PTPN9: variants seen among roughly 807,000 people sequenced by gnomAD.
PTPN9 encodes tyrosine-protein phosphatase non-receptor type 9.
In PTPN9, 26 loss-of-function variants were observed where a neutral mutation model predicts 69.8. The observed-to-expected ratio is 0.37, with a 90% CI of 0.27 to 0.52. PTPN9 has a LOEUF of 0.52. PTPN9 is among the 20% of genes least tolerant of loss of function. The probability of loss-of-function intolerance (pLI) is 0.91; values close to 1 mark genes in which losing one functional copy is unlikely to be tolerated. For missense variants in PTPN9, 549 were observed against 740.3 expected (o/e 0.74, Z 3.00); for synonymous variants, 274 against 272.5 (o/e 1.01, Z -0.05).
chr15:75,469,078 A>G, intron 12 of PTPN9, 95 bp from the exon 13 acceptor site: 2 of 1,175,084 alleles, frequency 1.7e-6, no homozygotes, highest in South Asian at 1.5e-5. Context: ...ATGACTTCAC[A>G]GGCAAAGTGC....
intron 1 of PTPN9, among the ~76,000 whole-genome samples, chr15:75,548,397 A>T (rs1032217046): frequency 1.2e-4 from 18 of 151,674 alleles, no homozygotes; most frequent in South Asian, 2.1e-4. Flanking sequence ...CTGGGATTAC[A>T]GGCGCCCACC....
intron 1 of PTPN9, among the ~76,000 whole-genome samples, chr15:75,551,008 T>C (rs1237463607): frequency 6.6e-6 from 1 of 152,200 alleles, no homozygotes; most frequent in Non-Finnish European, 1.5e-5. Context: ...CAATGTTTAC[T>C]GAGTGCTTAT....
At chr15:75,527,291 G>T (rs745445747) in intron 1 of PTPN9, 30 bp from the exon 2 acceptor site, 4 of 1,610,838 alleles carry the variant, frequency 2.5e-6, no homozygotes, top group Middle Eastern at 3.3e-4. Context: ...AGAATAATTA[G>T]TAAGAAGAGA....
At chr15:75,560,564 T>C (rs1054110240) in intron 1 of PTPN9, among the ~76,000 whole-genome samples, 1 of 152,162 alleles carries the variant, frequency 6.6e-6, no homozygotes, top group South Asian at 2.1e-4. Context: ...ATAGAAAGTA[T>C]AAAAGAGCAG....
At chr15:75,525,592 C>G (rs2074923958) in intron 2 of PTPN9, among the ~76,000 whole-genome samples, 1 of 151,638 alleles carries the variant, frequency 6.6e-6, no homozygotes, top group Non-Finnish European at 1.5e-5. Flanking sequence ...AAAATATTAT[C>G]TTGGTTTGTC....
At chr15:75,495,515 C>A (rs908856805) in intron 7 of PTPN9, among the ~76,000 whole-genome samples, 4 of 152,118 alleles carry the variant, frequency 2.6e-5, no homozygotes, top group African/African-American at 7.2e-5. Flanking sequence ...GAGTTCGAAA[C>A]CAGCCTAGCC....
chr15:75,505,025 A>T (rs2074810365), intron 7 of PTPN9, among the ~76,000 whole-genome samples: 1 of 152,058 alleles, frequency 6.6e-6, no homozygotes, highest in Non-Finnish European at 1.5e-5. Flanking sequence ...GAAAGGGGGG[A>T]AAGGTGGGGA....
rs1267304892 is a variant in PTPN9, at chr15:75,537,224, C to T, written c.64-9963G>A. On this transcript the variant is annotated intron_variant, in intron 1 of 12. Transcript: ENST00000618819. The stretch of plus-strand genomic sequence containing the variant: ...AAACTTAGCTGGGCATGGTGGTGGG[C>T]GCCTGTAATCCCAACTACTCAGGAG... Among the ~76,000 whole-genome samples, 5 of 150,722 alleles carry T rather than the reference C, an allele frequency of 3.3e-5. No individual in the cohort carries two copies. The South Asian group carries it at 6.3e-4, about 19-fold the overall frequency.
At chr15:75,472,188 G>C (rs1414269419) in intron 10 of PTPN9, among the ~76,000 whole-genome samples, 1 of 151,446 alleles carries the variant, frequency 6.6e-6, no homozygotes, top group East Asian at 2.0e-4. Flanking sequence ...GGCCAGGCGC[G>C]GTGGCTCACG....
In PTPN9 at chr15:75,576,923, AT is replaced by A. The variant is rs1261587682; in HGVS notation, c.63+1790del. Among the ~76,000 whole-genome samples the A allele has an allele frequency of 2.0e-5, 3 of 152,334 alleles. No individual in the cohort carries two copies. In the East Asian group the frequency reaches 5.8e-4, roughly 29 times the overall value. ...ATTAGGCATTACCATAATTAGAACT[AT>A]ACTGCTTTTGTTTCAATATTTTGAA... On this transcript the variant is annotated intron_variant, in intron 1 of 12. Transcript: ENST00000618819.
At chr15:75,506,981 C>T (rs77420548) in intron 6 of PTPN9, among the ~76,000 whole-genome samples, 1 of 152,134 alleles carries the variant, frequency 6.6e-6, no homozygotes, top group Non-Finnish European at 1.5e-5. Context: ...CCTATCAAGA[C>T]CATGAGCTCC....
At chr15:75,498,515 G>T (rs1204137809) in intron 7 of PTPN9, among the ~76,000 whole-genome samples, 2 of 151,978 alleles carry the variant, frequency 1.3e-5, no homozygotes, top group African/African-American at 4.8e-5. Context: ...AGGAGTTTGA[G>T]ATCAGCCTGG....
rs1303892088 is a variant in PTPN9 at position 75,544,826 on chromosome 15, C to G, written c.64-17565G>C. ...TTTGGTAACATTTTTTTTTTCTCTT[C>G]TTCCAACTGATAGCTTAGACTTTAG... On this transcript the variant is annotated intron_variant, in intron 1 of 12. Coordinates refer to ENST00000618819, the MANE Select transcript of PTPN9 (RefSeq NM_002833.4). Among the ~76,000 whole-genome samples, 4 of 151,392 alleles carry G rather than the reference C, an allele frequency of 2.6e-5. No individual in the cohort carries two copies. In the South Asian group the frequency reaches 6.2e-4, roughly 24 times the overall value.
rs920493765 is a variant in PTPN9 at position 75,527,211 on chromosome 15, A to G, written c.114T>C (p.Asn38=). Residue 38 remains asparagine (N), a synonymous_variant, in exon 2 of 13, where the codon AAT becomes AAC. Coordinates refer to ENST00000618819, the MANE Select transcript of PTPN9 (RefSeq NM_002833.4). ...CCACATTCCAAGACAGCGGGGAAAC[A>G]TTGTACTGAACTGTCCACTTGTTAA... ...EEINKWTVQY[N]VSPLSWNVAV... is the part of the protein sequence containing the mutation. 14 of 1,614,050 alleles carry G rather than the reference A, an allele frequency of 8.7e-6. No homozygotes were observed. Among genetic ancestry groups the G allele is most frequent in the Admixed American group, 3.3e-5 (2 of 59,996 alleles).
intron 6 of PTPN9, among the ~76,000 whole-genome samples, chr15:75,507,748 C>G (rs190782918): frequency 1.3e-5 from 2 of 150,986 alleles, no homozygotes; most frequent in African/African-American, 2.4e-5. Context: ...GCCTGGGAGA[C>G]AGAGCGAGAC....
intron 1 of PTPN9, among the ~76,000 whole-genome samples, chr15:75,561,850 C>T (rs1438949090): frequency 4.6e-5 from 7 of 152,148 alleles, no homozygotes; most frequent in African/African-American, 1.7e-4. Context: ...GCTGGGATTA[C>T]AGGCATGTGC....
intron 1 of PTPN9, among the ~76,000 whole-genome samples, chr15:75,542,850 T>G (rs2075015168): frequency 6.7e-6 from 1 of 149,442 alleles, no homozygotes; most frequent in Non-Finnish European, 1.5e-5. Flanking sequence ...TTTTTTGGCT[T>G]TTTTTTTTTA....
intron 8 of PTPN9, among the ~76,000 whole-genome samples, chr15:75,481,357 C>T (rs1455819001): frequency 2.7e-4 from 3 of 11,210 alleles, no homozygotes; most frequent in Admixed American, 1.9e-3. Flanking sequence ...GGTCAGCCCC[C>T]GGCCCGGCCA....
intron 1 of PTPN9, among the ~76,000 whole-genome samples, chr15:75,539,588 G>A (rs2074999716): frequency 6.6e-6 from 1 of 151,970 alleles, no homozygotes; most frequent in Non-Finnish European, 1.5e-5. Flanking sequence ...TTACAGGCAT[G>A]AGCCACCGCG....
Sources: gnomAD v4.1 joint callset for allele counts (sites outside exome capture counted in the v4.1 genomes callset) on GRCh38, gnomAD v4.1.1 for gene constraint, MANE v1.5 for transcripts, NCBI Gene and HGNC (gene_info 2026-07-23, HGNC 2026-07-21) for gene names.